Variants in LINGO2 observed in about 807,000 individuals in gnomAD.
The protein encoded by LINGO2 is leucine-rich repeat and immunoglobulin-like domain-containing nogo receptor-interacting protein 2.
LINGO2 carries 14 observed loss-of-function variants against 30.6 expected under a neutral mutation model. The ratio of observed to expected loss-of-function variants is 0.46; its 90% CI spans 0.30 to 0.72. LINGO2 has a LOEUF of 0.72. Among genes scored for constraint, LINGO2 ranks in the 30% least tolerant of loss-of-function variants. The pLI is 0.07. For synonymous variants in LINGO2, 317 were observed against 288.5 expected (o/e 1.10, Z -1.00); for missense variants, 729 against 751.7 (o/e 0.97, Z 0.35).
chr9:29,186,849 G>A, the LINGO2 span, among the ~76,000 whole-genome samples: 1 of 152,076 alleles, frequency 6.6e-6, no homozygotes, highest in African/African-American at 2.4e-5. Flanking sequence ...AGAATTAAAT[G>A]AGATAAGACA....
the LINGO2 span, among the ~76,000 whole-genome samples, chr9:28,905,229 A>G: frequency 2.0e-5 from 3 of 151,370 alleles, no homozygotes; most frequent in Non-Finnish European, 4.4e-5. Flanking sequence ...AATATTTTGG[A>G]TACAACAAAT....
chr9:28,008,394 A>C (rs1822376197), intron 5 of LINGO2, among the ~76,000 whole-genome samples: 1 of 152,122 alleles, frequency 6.6e-6, no homozygotes, highest in Non-Finnish European at 1.5e-5. Flanking sequence ...TATCCTTCTT[A>C]AATCAGTGAA....
intron 4 of LINGO2, among the ~76,000 whole-genome samples, chr9:28,290,554 C>T (rs1823686342): frequency 6.6e-6 from 1 of 152,120 alleles, no homozygotes; most frequent in Non-Finnish European, 1.5e-5. Context: ...TTGGGTGCTA[C>T]AGCTGAGGAG....
chr9:29,008,955 C>CA, the LINGO2 span, among the ~76,000 whole-genome samples: 1 of 151,974 alleles, frequency 6.6e-6, no homozygotes, highest in African/African-American at 2.4e-5. Context: ...TCAACAGATG[C>CA]AAAAAAGGCC....
the LINGO2 span, among the ~76,000 whole-genome samples, chr9:28,883,669 T>TATATATATATATATATA: frequency 3.0e-5 from 4 of 131,976 alleles, no homozygotes; most frequent in Non-Finnish European, 3.2e-5. Flanking sequence ...TATATATATA[T>TATATATATATATATATA]TTGGTTTTTT....
the LINGO2 span, among the ~76,000 whole-genome samples, chr9:28,759,467 G>T: frequency 3.7e-4 from 57 of 152,038 alleles, no homozygotes; most frequent in East Asian, 0.01. Context: ...TGGATCACAA[G>T]GTCAGGAGAT....
the LINGO2 span, among the ~76,000 whole-genome samples, chr9:28,788,190 G>T: frequency 6.6e-6 from 1 of 152,048 alleles, no homozygotes; most frequent in East Asian, 1.9e-4. Flanking sequence ...CCATTCAAGT[G>T]AAATAATTTT....
At chr9:28,797,836 A>G in the LINGO2 span, among the ~76,000 whole-genome samples, 31 of 152,186 alleles carry the variant, frequency 2.0e-4, no homozygotes, top group Non-Finnish European at 4.0e-4. Flanking sequence ...AGCAGTAGAA[A>G]TGTGCAAGGA....
the LINGO2 span, among the ~76,000 whole-genome samples, chr9:29,094,769 A>G: frequency 7.2e-6 from 1 of 139,428 alleles, no homozygotes; most frequent in South Asian, 2.2e-4. Context: ...ATATATTATT[A>G]AAATAAATTT....
chr9:29,036,065 T>C, the LINGO2 span, among the ~76,000 whole-genome samples: 1 of 152,018 alleles, frequency 6.6e-6, no homozygotes. Context: ...GACTGAGTAA[T>C]AGTCATTTTA....
intron 4 of LINGO2, among the ~76,000 whole-genome samples, chr9:28,264,348 TA>T (rs573526538): frequency 1.0e-3 from 152 of 152,108 alleles, no homozygotes; most frequent in African/African-American, 3.4e-3. Flanking sequence ...TTAGGGGTAC[TA>T]ATTTAATACA....
intron 2 of LINGO2, among the ~76,000 whole-genome samples, chr9:28,423,638 A>G (rs1377806557): frequency 6.6e-6 from 1 of 152,100 alleles, no homozygotes; most frequent in East Asian, 1.9e-4. Context: ...GAAAAATCTT[A>G]TAGTAGCTCT....
intron 4 of LINGO2, among the ~76,000 whole-genome samples, chr9:28,259,164 C>T (rs955236971): frequency 1.3e-5 from 2 of 151,916 alleles, no homozygotes. Context: ...GTATTGACAC[C>T]AGAGTCCTGA....
chr9:28,988,531 C>T, the LINGO2 span, among the ~76,000 whole-genome samples: 1 of 152,252 alleles, frequency 6.6e-6, no homozygotes, highest in Admixed American at 6.5e-5. Flanking sequence ...TCTACACTCA[C>T]AGCAATTACT....
intron 5 of LINGO2, among the ~76,000 whole-genome samples, chr9:27,988,257 C>T (rs918299109): frequency 6.6e-6 from 1 of 152,058 alleles, no homozygotes; most frequent in Non-Finnish European, 1.5e-5. Context: ...CGTTGATGGA[C>T]ATTTGGGTTG....
rs1264836965 is a variant in LINGO2, at chr9:27,965,770, A to G, written c.-35-15064T>C. Among the ~76,000 whole-genome samples, 5 of 152,164 alleles carry G rather than the reference A, an allele frequency of 3.3e-5. No homozygotes were observed. The East Asian group carries it at 9.6e-4, about 29-fold the overall frequency. ...CCTATTCTACTTAAAATTTTAAAAG[A>G]TGAAAGTGATTTTTGTCTAGCTTTG... On this transcript the variant is annotated intron_variant, in intron 5 of 5. Transcript: ENST00000379992.
chr9:28,932,933 G>A, the LINGO2 span, among the ~76,000 whole-genome samples: 1 of 147,116 alleles, frequency 6.8e-6, no homozygotes, highest in Non-Finnish European at 1.5e-5. Flanking sequence ...TTGAGATGGA[G>A]TCTCACTCTG....
the LINGO2 span, among the ~76,000 whole-genome samples, chr9:29,073,358 A>T: frequency 6.6e-6 from 1 of 152,010 alleles, no homozygotes; most frequent in Non-Finnish European, 1.5e-5. Context: ...GTAATGGGGG[A>T]AAAAAACAGG....
the LINGO2 span, among the ~76,000 whole-genome samples, chr9:28,704,711 A>G: frequency 6.6e-6 from 1 of 151,870 alleles, no homozygotes; most frequent in Non-Finnish European, 1.5e-5. Flanking sequence ...ATGCATTTTC[A>G]TGTCTGATAC....
Sources: gnomAD v4.1 joint callset for allele counts (sites outside exome capture counted in the v4.1 genomes callset) on GRCh38, gnomAD v4.1.1 for gene constraint, MANE v1.5 for transcripts, NCBI Gene and HGNC (gene_info 2026-07-23, HGNC 2026-07-21) for gene names.